Variants in ADAM20 observed in about 807,000 individuals in gnomAD.
ADAM20 encodes the protein disintegrin and metalloproteinase domain-containing protein 20.
For missense variants in ADAM20, 871 were observed against 883.2 expected (o/e 0.99, Z 0.18); for synonymous variants, 305 against 310.2 (o/e 0.98, Z 0.18).
At chr14:70,539,625 G>A (rs1054385918), upstream of ADAM20, among the ~76,000 whole-genome samples, 1 of 152,212 alleles carries the variant, frequency 6.6e-6, no homozygotes, top group Non-Finnish European at 1.5e-5. Flanking sequence ...AACTGTTACT[G>A]CTGATTAATA....
chr14:70,569,885 C>CA, the ADAM20 span, among the ~76,000 whole-genome samples: 712 of 76,130 alleles, frequency 9.4e-3, 23 homozygotes, highest in African/African-American at 0.017. Context: ...AGAAAACTAA[C>CA]AAAAAAAAAA....
chr14:70,522,566 T>C lies in ADAM20; in HGVS notation c.*11A>G. 2 of 1,555,922 alleles carry C rather than the reference T, an allele frequency of 1.3e-6. No individual in the cohort carries two copies. The highest frequency in any genetic ancestry group is 8.7e-7 in the Non-Finnish European group (1 of 1,153,734). ...GTATAAAGTTTAGTCTCCTTCTTTTTCCCATTTCTCTTATCCTTCTTCATC... is the reference window on the plus strand; with the variant it reads ...GTATAAAGTTTAGTCTCCTTCTTTTCCCCATTTCTCTTATCCTTCTTCATC... On this transcript the variant is annotated 3_prime_UTR_variant, in exon 2 of 2. Transcript: ENST00000256389.
At chr14:70,553,006 G>T in the ADAM20 span, among the ~76,000 whole-genome samples, 5 of 42,940 alleles carry the variant, frequency 1.2e-4, no homozygotes, top group African/African-American at 4.0e-4. Context: ...CATATCCTTT[G>T]TAGGGACATG....
the ADAM20 span, among the ~76,000 whole-genome samples, chr14:70,573,430 G>C: frequency 1.3e-5 from 2 of 152,160 alleles, no homozygotes; most frequent in East Asian, 1.9e-4. Context: ...GGATTCCAAG[G>C]GTGGGGGACG....
At chr14:70,573,961 T>G in the ADAM20 span, among the ~76,000 whole-genome samples, 1 of 152,140 alleles carries the variant, frequency 6.6e-6, no homozygotes. Flanking sequence ...GGAAAGGTCA[T>G]CCAGACAGAA....
Position 70,523,789 on chromosome 14 carries a change from AG to A in ADAM20, c.968del (p.Thr323MetfsTer43). 6.2e-7 allele frequency: 1 copy of A among 1,614,098 alleles called. No individual in the cohort carries two copies. The highest frequency in any genetic ancestry group is 1.3e-5 in the African/African-American group (1 of 75,048). ...TGTTGTCTTCAAAAACATCAACTCC[AG>A]TATTAAAAGGATTCTGGCATATTCC... ...VKGICQNPFN[T>X]GVDVFEDNRL... is the part of the protein sequence containing the mutation. On this transcript the variant is annotated frameshift_variant, in exon 2 of 2. Coordinates refer to ENST00000256389, the MANE Select transcript of ADAM20 (RefSeq NM_003814.5). LOFTEE classifies it low-confidence loss of function (END_TRUNC).
the ADAM20 span, chr14:70,557,382 G>A: frequency 6.6e-6 from 1 of 152,162 alleles, no homozygotes; most frequent in Non-Finnish European, 1.5e-5. Context: ...GAGTTTACCG[G>A]CTATGGAAGA....
At chr14:70,568,369 T>C in the ADAM20 span, among the ~76,000 whole-genome samples, 1 of 151,390 alleles carries the variant, frequency 6.6e-6, no homozygotes. Context: ...GGAAAAAGGA[T>C]TGAAAAATTA....
the ADAM20 span, among the ~76,000 whole-genome samples, chr14:70,557,763 T>C: frequency 3.4e-4 from 51 of 149,718 alleles, no homozygotes; most frequent in Non-Finnish European, 7.0e-4. Flanking sequence ...TTTTTTTTTT[T>C]TGCAATTTTT....
the ADAM20 span, among the ~76,000 whole-genome samples, chr14:70,578,001 A>G: frequency 6.6e-6 from 1 of 152,320 alleles, no homozygotes; most frequent in South Asian, 2.1e-4. Context: ...CCAAAAGCAC[A>G]GGTAATAGAA....
the ADAM20 span, among the ~76,000 whole-genome samples, chr14:70,557,818 A>G: frequency 6.6e-6 from 1 of 152,088 alleles, no homozygotes; most frequent in African/African-American, 2.4e-5. Context: ...GTGGCCCAAG[A>G]TAATTTTTCT....
chr14:70,563,516 AG>A, the ADAM20 span, among the ~76,000 whole-genome samples: 36 of 152,324 alleles, frequency 2.4e-4, no homozygotes, highest in African/African-American at 8.4e-4. Context: ...CAACCAACAT[AG>A]GAAGAAGAGT....
At chr14:70,525,754 C>G (rs1224804145) in intron 1 of ADAM20, among the ~76,000 whole-genome samples, 1 of 152,092 alleles carries the variant, frequency 6.6e-6, no homozygotes, top group Non-Finnish European at 1.5e-5. Flanking sequence ...AAAGGGCTTA[C>G]TAGTATTGAG....
upstream of ADAM20, among the ~76,000 whole-genome samples, chr14:70,536,809 C>A (rs1164730685): frequency 3.3e-5 from 5 of 151,874 alleles, no homozygotes; most frequent in Non-Finnish European, 7.4e-5. Flanking sequence ...CCCAAGATAA[C>A]CTCCCCTCCA....
the ADAM20 span, among the ~76,000 whole-genome samples, chr14:70,568,514 C>T: frequency 1.2e-4 from 19 of 152,150 alleles, no homozygotes; most frequent in African/African-American, 4.6e-4. Context: ...CACCAACTCT[C>T]TAGTAATGGA....
chr14:70,562,271 G>A, the ADAM20 span, among the ~76,000 whole-genome samples: 4 of 152,260 alleles, frequency 2.6e-5, no homozygotes, highest in Non-Finnish European at 4.4e-5. Context: ...AAGTGCATGC[G>A]GCCTATAGCC....
the ADAM20 span, among the ~76,000 whole-genome samples, chr14:70,541,829 A>G: frequency 6.6e-6 from 1 of 152,232 alleles, no homozygotes; most frequent in African/African-American, 2.4e-5. Context: ...TCAGTACAGT[A>G]ATAATTATAA....
the ADAM20 span, among the ~76,000 whole-genome samples, chr14:70,555,937 C>G: frequency 2.6e-5 from 4 of 152,204 alleles, no homozygotes; most frequent in Non-Finnish European, 4.4e-5. Context: ...TTCCTTTTAA[C>G]GGACCAAGGA....
chr14:70,523,482 T>C lies in ADAM20; in HGVS notation c.1276A>G (p.Ile426Val), dbSNP rs1883504071. ...EEGEECDCGT[I>V]RQCAKDPCCL... Reference sequence around the variant, plus strand: ...CAGGGATCTTTTGCACACTGCCGTATGGTTCCACAGTCACATTCCTCCCCT... The same window carrying C: ...CAGGGATCTTTTGCACACTGCCGTACGGTTCCACAGTCACATTCCTCCCCT... The change falls in exon 2 of 2, where the codon ATA becomes GTA. Residue 426 changes from isoleucine (I) to valine (V), a missense_variant. Transcript: ENST00000256389. 1.9e-6 allele frequency: 3 copies of C among 1,613,982 alleles called. No homozygotes were observed. The highest frequency in any genetic ancestry group is 2.2e-5 in the South Asian group (2 of 91,086).
Sources: gnomAD v4.1 joint callset for allele counts (sites outside exome capture counted in the v4.1 genomes callset) on GRCh38, gnomAD v4.1.1 for gene constraint, MANE v1.5 for transcripts, NCBI Gene and HGNC (gene_info 2026-07-23, HGNC 2026-07-21) for gene names.